Variants in SESN1 observed in about 807,000 individuals in gnomAD.
SESN1 encodes sestrin 1.
A neutral mutation model predicts 59.3 loss-of-function variants in SESN1; 30 were observed. That is an observed-to-expected ratio of 0.51 (90% CI 0.38 to 0.69). The LOEUF is 0.69. SESN1 is among the 30% of genes least tolerant of loss of function. SESN1 has a pLI of 0.00. For missense variants in SESN1, 566 were observed against 673.0 expected, an observed-to-expected ratio of 0.84 and a Z score of 1.76; for synonymous variants, 197 against 219.9, an observed-to-expected ratio of 0.90 and a Z score of 0.92.
rs200171018 is a variant in SESN1 at position 109,063,912 on chromosome 6, CA to C, written c.279+29882del. ...TCCTTTAAAAAAAAAAGAAAAAAGC[CA>C]AAAAAAAACTAAAAAAAAAATTAGA... On this transcript the variant is annotated intron_variant, in intron 1 of 9. Transcript: ENST00000436639. Among the ~76,000 whole-genome samples the C allele has an allele frequency of 1.2e-4, 17 of 146,038 alleles. No homozygotes were observed. In the East Asian group the frequency reaches 1.4e-3, roughly 12 times the overall value.
intron 6 of SESN1, 54 bp downstream of exon 6, chr6:108,994,408 A>C: frequency 1.4e-6 from 2 of 1,455,636 alleles, no homozygotes; most frequent in Non-Finnish European, 1.9e-6. Context: ...AAATTCTCTA[A>C]ATAAAAAGTT....
chr6:109,003,217 T>G (rs1040698022), intron 1 of SESN1, among the ~76,000 whole-genome samples: 1 of 151,840 alleles, frequency 6.6e-6, no homozygotes, highest in Admixed American at 6.6e-5. Context: ...TTTAAAAATT[T>G]TTTTTAGAAT....
intron 1 of SESN1, among the ~76,000 whole-genome samples, chr6:109,085,012 C>T (rs924084203): frequency 1.3e-5 from 2 of 150,862 alleles, no homozygotes; most frequent in South Asian, 2.1e-4. Flanking sequence ...GTATCTCCAG[C>T]GAAAAACGCA....
At chr6:109,015,755 T>C (rs2114358508) in intron 1 of SESN1, among the ~76,000 whole-genome samples, 1 of 152,086 alleles carries the variant, frequency 6.6e-6, no homozygotes. Flanking sequence ...GAGAAGGAAA[T>C]ATACAAACTC....
chr6:108,994,357 A>G, intron 6 of SESN1, 105 bp downstream of exon 6: 1 of 930,356 alleles, frequency 1.1e-6, no homozygotes, highest in Non-Finnish European at 1.6e-6. Flanking sequence ...AGTCTCTCTA[A>G]AAGGAAGGAC....
At position 108,987,539 on chromosome 6, in the gene SESN1, A is replaced by C. The variant is rs770953684; in HGVS notation, c.*5T>G. On this transcript the variant is annotated 3_prime_UTR_variant, in exon 10 of 10. Coordinates refer to ENST00000436639, the MANE Select transcript of SESN1 (RefSeq NM_014454.3). Reference sequence around the variant, plus strand: ...TCCAGAATCATCTTTAATGAAGGAAAGGCATCAGGTCATATAGCGGGTAAT... The same window carrying C: ...TCCAGAATCATCTTTAATGAAGGAACGGCATCAGGTCATATAGCGGGTAAT... 1 of 1,523,534 alleles carries C rather than the reference A, an allele frequency of 6.6e-7. No homozygotes were observed. The highest frequency in any genetic ancestry group is 9.1e-7 in the Non-Finnish European group (1 of 1,099,194). The allele number at this position is 1,523,534 out of a possible 1,614,324, so 94.4% of individuals were successfully genotyped here. A position where few individuals can be genotyped will look rare whatever the true frequency, so the allele number is the denominator to read the frequency against.
chr6:109,034,032 TAGAG>T (rs1314784129), intron 1 of SESN1, among the ~76,000 whole-genome samples: 9 of 152,152 alleles, frequency 5.9e-5, no homozygotes, highest in African/African-American at 2.2e-4. Flanking sequence ...ATAGCAGTCT[TAGAG>T]AGCCACAGGA....
At chr6:109,064,584 A>G (rs1427039752) in intron 1 of SESN1, among the ~76,000 whole-genome samples, 1 of 70,500 alleles carries the variant, frequency 1.4e-5, no homozygotes, top group African/African-American at 6.8e-5. Flanking sequence ...AGAGGAGAGG[A>G]GAGGAGAGGG....
chr6:109,048,141 A>C (rs2114434962), intron 1 of SESN1, among the ~76,000 whole-genome samples: 1 of 152,268 alleles, frequency 6.6e-6, no homozygotes, highest in African/African-American at 2.4e-5. Context: ...TTTTGCTGTC[A>C]ACATTCACTG....
At chr6:108,989,551 ATC>A (rs1482018628) in intron 8 of SESN1, among the ~76,000 whole-genome samples, 23 of 104,940 alleles carry the variant, frequency 2.2e-4, no homozygotes, top group African/African-American at 3.1e-4. Context: ...ATATCTCTAG[ATC>A]TAGATCTCTA....
chr6:109,027,753 C>G (rs1051707825), intron 1 of SESN1, among the ~76,000 whole-genome samples: 1 of 152,182 alleles, frequency 6.6e-6, no homozygotes, highest in Non-Finnish European at 1.5e-5. Flanking sequence ...AAAGCATTAT[C>G]TGGCCCAAGA....
At chr6:109,042,376 C>A (rs968246857) in intron 1 of SESN1, among the ~76,000 whole-genome samples, 2 of 150,510 alleles carry the variant, frequency 1.3e-5, no homozygotes, top group Non-Finnish European at 3.0e-5. Context: ...AATTTGAAAA[C>A]AGAAAAACAA....
rs541875216 is a variant in SESN1 at position 109,084,483 on chromosome 6, G to A, written c.279+9312C>T. On this transcript the variant is annotated intron_variant, in intron 1 of 9. Transcript: ENST00000436639. ...GCAGGAGAATCGTTTGAACCCTGAG[G>A]GGGAGGCTGCAGTGAGCTGAAATCA... Among the ~76,000 whole-genome samples, 52 of 152,280 alleles carry A rather than the reference G, an allele frequency of 3.4e-4. 1 individual carries two copies. The highest frequency in any genetic ancestry group is 1.2e-3 in the African/African-American group (50 of 41,564).
chr6:109,017,234 G>GT (rs1390900807), intron 1 of SESN1, among the ~76,000 whole-genome samples: 1 of 152,100 alleles, frequency 6.6e-6, no homozygotes, highest in Non-Finnish European at 1.5e-5. Flanking sequence ...TTGATACTAT[G>GT]TAACCATTTA....
chr6:109,089,080 T>C (rs1431926707), intron 1 of SESN1, among the ~76,000 whole-genome samples: 1 of 152,058 alleles, frequency 6.6e-6, no homozygotes, highest in Non-Finnish European at 1.5e-5. Context: ...TTTTAACAGA[T>C]TTAGCTGCTT....
rs60262146 is a variant in SESN1, at chr6:109,028,690, G to A, written c.280-26347C>T. 7.0e-3 allele frequency among the ~76,000 whole-genome samples: 1,064 copies of A among 152,182 alleles called. 11 individuals carry two copies. Among genetic ancestry groups the A allele is most frequent in the African/African-American group, 0.024 (997 of 41,496 alleles). ...TAGTTGATGCCACATGGAAGACTGG[G>A]CAACACATACCATAGAAGCAAAGAG... On this transcript the variant is annotated intron_variant, in intron 1 of 9. Transcript: ENST00000436639.
intron 1 of SESN1, among the ~76,000 whole-genome samples, chr6:109,053,071 C>T (rs944151023): frequency 4.6e-5 from 7 of 151,526 alleles, no homozygotes; most frequent in Admixed American, 6.6e-5. Context: ...TGTGTGCGTG[C>T]GTGTGTGCAC....
chr6:109,073,612 A>G (rs1474391529), intron 1 of SESN1, among the ~76,000 whole-genome samples: 1 of 152,238 alleles, frequency 6.6e-6, no homozygotes, highest in Non-Finnish European at 1.5e-5. Flanking sequence ...ATTTTTATTC[A>G]GTGTAAACAC....
intron 1 of SESN1, among the ~76,000 whole-genome samples, chr6:109,038,785 T>C (rs1339506458): frequency 1.3e-5 from 2 of 152,058 alleles, no homozygotes; most frequent in South Asian, 2.1e-4. Context: ...AACTCCATTG[T>C]AGGGATCAGC....
Sources: allele counts gnomAD v4.1 joint callset (sites outside exome capture counted in the v4.1 genomes callset), GRCh38; gene constraint gnomAD v4.1.1; transcripts MANE v1.5; gene names NCBI Gene and HGNC (gene_info 2026-07-23, HGNC 2026-07-21).